Variants in COL24A1 observed in about 807,000 individuals in gnomAD.
The protein encoded by COL24A1 is collagen alpha-1(XXIV) chain.
A neutral mutation model predicts 253.9 loss-of-function variants in COL24A1; 224 were observed. That is an observed-to-expected ratio of 0.88 (90% confidence interval 0.79 to 0.99). COL24A1 has a LOEUF of 0.99. Ranked by LOEUF, COL24A1 falls within the 50% of genes least tolerant of loss-of-function variation. The pLI is 0.00. For synonymous variants in COL24A1, 685 were observed against 673.7 expected, an observed-to-expected ratio of 1.02 and a Z score of -0.26; for missense variants, 2,131 against 2,068.5, an observed-to-expected ratio of 1.03 and a Z score of -0.59.
intron 5 of COL24A1, among the ~76,000 whole-genome samples, chr1:86,099,756 A>G (rs1704283438): frequency 6.6e-6 from 1 of 152,036 alleles, no homozygotes. Context: ...TGGACTAGGG[A>G]TGACTAGCAG....
At chr1:85,921,817 T>G (rs1686535105) in intron 24 of COL24A1, among the ~76,000 whole-genome samples, 1 of 152,192 alleles carries the variant, frequency 6.6e-6, no homozygotes, top group Non-Finnish European at 1.5e-5. Flanking sequence ...GAGAATGACT[T>G]TGATGAGCTG....
chr1:85,871,659 A>C (rs951232760), intron 35 of COL24A1, among the ~76,000 whole-genome samples: 3 of 152,214 alleles, frequency 2.0e-5, no homozygotes, highest in African/African-American at 7.2e-5. Context: ...CTTCATGCTA[A>C]AAACTCTCCA....
chr1:85,771,218 C>T lies in COL24A1; in HGVS notation c.4374+4456G>A, dbSNP rs532299605. 2.0e-5 allele frequency among the ~76,000 whole-genome samples: 3 copies of T among 152,260 alleles called. No homozygotes were observed. In the East Asian group the frequency reaches 5.8e-4, roughly 29 times the overall value. ...GCTGCACCTATCAACCCATCACCTA[C>T]ATTAGGTATTTCTCCTAATGTTATC... On this transcript the variant is annotated intron_variant, in intron 53 of 59. Coordinates refer to ENST00000370571, the MANE Select transcript of COL24A1 (RefSeq NM_152890.7).
chr1:86,045,085 G>A (rs1699795768), intron 12 of COL24A1, among the ~76,000 whole-genome samples: 1 of 152,238 alleles, frequency 6.6e-6, no homozygotes, highest in African/African-American at 2.4e-5. Context: ...ATTCTCCCGG[G>A]TTCAAGTGAT....
chr1:86,022,855 A>G lies in COL24A1; in HGVS notation c.2126T>C (p.Leu709Pro), dbSNP rs1356011734. ...CACCTTATCACCTTTGATTCCAGGTAGTCCTTTATTCCCTGAAAGGCCCTA... is the reference window on the plus strand; with the variant it reads ...CACCTTATCACCTTTGATTCCAGGTGGTCCTTTATTCCCTGAAAGGCCCTA... The part of the protein sequence containing the change: ...GPMGLSGNKG[L>P]PGIKGDKGEQ... The change falls in exon 16 of 60, where the codon CTA (leucine) becomes CCA (proline). Residue 709 changes from leucine to proline, a missense_variant. Coordinates refer to ENST00000370571, the MANE Select transcript of COL24A1 (RefSeq NM_152890.7). The G allele has an allele frequency of 9.4e-6, 15 of 1,594,768 alleles. No homozygotes were observed. Among genetic ancestry groups the G allele is most frequent in the Non-Finnish European group, 1.3e-5 (15 of 1,169,464 alleles).
intron 17 of COL24A1, 35 bp from the exon 18 acceptor site, chr1:86,022,328 A>AT: frequency 6.4e-7 from 1 of 1,565,858 alleles, no homozygotes; most frequent in Non-Finnish European, 8.8e-7. Context: ...GAAAGTTATT[A>AT]TACCACAAAA....
At chr1:85,967,628 C>T (rs2100733872) in intron 22 of COL24A1, among the ~76,000 whole-genome samples, 1 of 152,224 alleles carries the variant, frequency 6.6e-6, no homozygotes, top group Middle Eastern at 3.4e-3. Flanking sequence ...GATAAGATCA[C>T]TGGGGGAGAG....
chr1:86,059,277 C>T (rs1170404481), intron 8 of COL24A1, 103 bp from the exon 9 acceptor site: 16 of 749,540 alleles, frequency 2.1e-5, no homozygotes, highest in African/African-American at 3.7e-5. Flanking sequence ...CATAAAAATA[C>T]GGAGTCCTAC....
At chr1:85,760,514 A>G (rs139661598) in intron 55 of COL24A1, among the ~76,000 whole-genome samples, 16 of 152,242 alleles carry the variant, frequency 1.1e-4, no homozygotes, top group Middle Eastern at 3.4e-3. Flanking sequence ...GCCCCAATGA[A>G]AAGCTGAGGG....
intron 47 of COL24A1, 72 bp from the exon 48 acceptor site, chr1:85,786,533 T>C (rs1317593414): frequency 1.0e-5 from 14 of 1,398,022 alleles, no homozygotes; most frequent in Non-Finnish European, 1.4e-5. Context: ...CAATAAAATG[T>C]AGGAAGAGTT....
At chr1:85,985,508 CATG>C (rs1222263982) in intron 20 of COL24A1, among the ~76,000 whole-genome samples, 1 of 151,742 alleles carries the variant, frequency 6.6e-6, no homozygotes, top group Non-Finnish European at 1.5e-5. Context: ...AAAAGAGTGA[CATG>C]ATGAGATCTA....
At position 85,730,361 on chromosome 1, in the gene COL24A1, A is replaced by C. The variant is rs942055458; in HGVS notation, c.*185T>G. 10 of 486,280 alleles carry C rather than the reference A, an allele frequency of 2.1e-5. No homozygotes were observed. The highest frequency in any genetic ancestry group is 4.4e-4 in the Middle Eastern group (1 of 2,294). 30.1% of individuals were successfully genotyped at this position (486,280 alleles called of 1,614,324 possible). On this transcript the variant is annotated 3_prime_UTR_variant, in exon 60 of 60. Transcript: ENST00000370571. ...TTTTAAAAGAATTAAATACTTTATC[A>C]ATCATAGTCCTTTAAAAATGCCTTT...
At chr1:85,840,788 T>G (rs1177454331) in intron 42 of COL24A1, among the ~76,000 whole-genome samples, 3 of 152,090 alleles carry the variant, frequency 2.0e-5, no homozygotes, top group Non-Finnish European at 2.9e-5. Flanking sequence ...TAATAACTCC[T>G]TAGAGGGGTT....
At chr1:86,107,362 T>C (rs1303237527) in intron 5 of COL24A1, among the ~76,000 whole-genome samples, 3 of 152,162 alleles carry the variant, frequency 2.0e-5, no homozygotes, top group African/African-American at 7.2e-5. Flanking sequence ...GTGGCAGATA[T>C]TAGATAAAAG....
Position 85,830,136 on chromosome 1 carries a change from C to T in COL24A1, c.3682-6398G>A, listed in dbSNP as rs1675002400. ...TCCTTTCTGTTTGTTAGTTTTCCTTCTAACAGACAGGACCCTCAGCTGCAG... is the reference window on the plus strand; with the variant it reads ...TCCTTTCTGTTTGTTAGTTTTCCTTTTAACAGACAGGACCCTCAGCTGCAG... On this transcript the variant is annotated intron_variant, in intron 43 of 59. Transcript: ENST00000370571. Among the ~76,000 whole-genome samples, 2 of 152,076 alleles carry T rather than the reference C, an allele frequency of 1.3e-5. 1 individual carries two copies. Among genetic ancestry groups the T allele is most frequent in the Admixed American group, 1.3e-4 (2 of 15,232 alleles).
intron 13 of COL24A1, among the ~76,000 whole-genome samples, chr1:86,033,204 G>A (rs1029045900): frequency 1.3e-5 from 2 of 152,066 alleles, no homozygotes; most frequent in African/African-American, 4.8e-5. Flanking sequence ...ATTTACTTAC[G>A]TGTAATTATT....
intron 45 of COL24A1, among the ~76,000 whole-genome samples, 175 bp downstream of exon 45, chr1:85,823,361 A>G (rs1673859736): frequency 6.6e-6 from 1 of 152,228 alleles, no homozygotes; most frequent in Non-Finnish European, 1.5e-5. Flanking sequence ...GACTCAATCA[A>G]TAATTTTGTA....
intron 24 of COL24A1, among the ~76,000 whole-genome samples, chr1:85,959,423 A>T (rs1402846032): frequency 1.3e-5 from 2 of 152,146 alleles, no homozygotes; most frequent in African/African-American, 4.8e-5. Context: ...TTGAACTAAT[A>T]TTAAAATATC....
chr1:86,111,646 T>C (rs1038880778), intron 5 of COL24A1, among the ~76,000 whole-genome samples: 6 of 151,970 alleles, frequency 3.9e-5, no homozygotes, highest in African/African-American at 1.4e-4. Flanking sequence ...CCTTCCACAC[T>C]GTGGAAGCTT....
Sources: gnomAD v4.1 joint callset for allele counts (sites outside exome capture counted in the v4.1 genomes callset) on GRCh38, gnomAD v4.1.1 for gene constraint, MANE v1.5 for transcripts, NCBI Gene and HGNC (gene_info 2026-07-23, HGNC 2026-07-21) for gene names.